The following IL36B variants were observed in gnomAD, a reference collection of about 807,000 sequenced individuals.
IL36B encodes interleukin 36 beta.
IL36B carries 23 observed loss-of-function variants against 19.3 expected under a neutral mutation model. The ratio of observed to expected loss-of-function variants is 1.19; its 90% CI spans 0.86 to 1.69. The LOEUF (loss-of-function observed/expected upper bound fraction) is 1.69, where lower values mean the gene tolerates loss of function less well. Among genes scored for constraint, IL36B ranks in the 40% most tolerant of loss-of-function variants. The probability of loss-of-function intolerance (pLI) is 0.00; values close to 1 mark genes in which losing one functional copy is unlikely to be tolerated. For missense variants in IL36B, 217 were observed against 200.5 expected (o/e 1.08, Z -0.50); for synonymous variants, 59 against 59.7 (o/e 0.99, Z 0.05).
At chr2:113,045,161 A>G (rs563996132) in intron 1 of IL36B, among the ~76,000 whole-genome samples, 2 of 152,314 alleles carry the variant, frequency 1.3e-5, no homozygotes, top group South Asian at 2.1e-4. Context: ...TTATTTCCAT[A>G]CAGTATTATT....
intron 1 of IL36B, among the ~76,000 whole-genome samples, chr2:113,051,641 G>T (rs1467000463): frequency 1.3e-5 from 2 of 152,200 alleles, no homozygotes; most frequent in East Asian, 3.8e-4. Flanking sequence ...GACTTCACTG[G>T]CATCCAGGGT....
chr2:113,046,585 T>C (rs565737456), intron 1 of IL36B, among the ~76,000 whole-genome samples: 6 of 152,214 alleles, frequency 3.9e-5, no homozygotes, highest in Non-Finnish European at 8.8e-5. Flanking sequence ...CATGTCTCCT[T>C]AGACTCCTCT....
intron 1 of IL36B, among the ~76,000 whole-genome samples, chr2:113,036,224 C>T (rs1480245692): frequency 2.6e-5 from 4 of 151,998 alleles, no homozygotes; most frequent in African/African-American, 7.2e-5. Flanking sequence ...GGAATTCAGG[C>T]GTGAGCCAGC....
intron 1 of IL36B, among the ~76,000 whole-genome samples, chr2:113,040,964 T>C (rs1310112790): frequency 6.6e-6 from 1 of 152,114 alleles, no homozygotes; most frequent in Non-Finnish European, 1.5e-5. Flanking sequence ...GTGACCAGCT[T>C]GGGCAACTTA....
At chr2:113,027,831 A>G (rs1460729352) in intron 4 of IL36B, 4 of 1,577,678 alleles carry the variant, frequency 2.5e-6, no homozygotes, top group Non-Finnish European at 3.4e-6. Context: ...CAGTCGCATA[A>G]TGATCTGTTA....
At chr2:113,045,123 C>T (rs1685327644) in intron 1 of IL36B, among the ~76,000 whole-genome samples, 1 of 151,972 alleles carries the variant, frequency 6.6e-6, no homozygotes, top group Non-Finnish European at 1.5e-5. Flanking sequence ...GTTATCATTT[C>T]TGGAGCTTAT....
At position 113,037,590 on chromosome 2, in the gene IL36B, G is replaced by A. The variant is rs185292698; in HGVS notation, c.-57-5824C>T. 1.5e-4 allele frequency among the ~76,000 whole-genome samples: 23 copies of A among 151,786 alleles called. No individual in the cohort carries two copies. The South Asian group carries it at 3.3e-3, about 22-fold the overall frequency. On this transcript the variant is annotated intron_variant, in intron 1 of 5. Coordinates refer to ENST00000259213, the MANE Select transcript of IL36B (RefSeq NM_014438.5). ...CTTGAACCCAGGAGGCGGAGGTTGC[G>A]GTGAGCTGAAATCACGCCACTGCAC...
intron 3 of IL36B, 129 bp from the exon 4 acceptor site, chr2:113,029,207 T>C: frequency 2.3e-6 from 2 of 858,414 alleles, no homozygotes; most frequent in Non-Finnish European, 3.5e-6. Context: ...TCCATCACCC[T>C]CCTCAAACCT....
intron 1 of IL36B, among the ~76,000 whole-genome samples, chr2:113,052,064 C>T (rs938525462): frequency 1.3e-5 from 2 of 152,026 alleles, no homozygotes; most frequent in Non-Finnish European, 2.9e-5. Flanking sequence ...ATTCTCGTGC[C>T]TCAGCCTCCC....
At chr2:113,026,813 G>A (rs34976770) in intron 4 of IL36B, among the ~76,000 whole-genome samples, 7,774 of 152,216 alleles carry the variant, frequency 0.051, 278 homozygotes, top group Middle Eastern at 0.12. Flanking sequence ...TTCAGTTCTA[G>A]AAGTTGTCTG....
At chr2:113,025,675 T>G (rs1458307402) in intron 5 of IL36B, among the ~76,000 whole-genome samples, 1 of 151,442 alleles carries the variant, frequency 6.6e-6, no homozygotes, top group Non-Finnish European at 1.5e-5. Flanking sequence ...ATGAGGAGAG[T>G]CCCGTAAAAC....
Position 113,022,676 on chromosome 2 carries a change from A to G in IL36B, c.493T>C (p.Ter165GlnextTer2). The G allele has an allele frequency of 3.2e-6, 5 of 1,581,410 alleles. No homozygotes were observed. The highest frequency in any genetic ancestry group is 3.5e-6 in the Non-Finnish European group (4 of 1,150,224). ...TGGGAATCTTCCTCCCCTTATTTCT[A>G]CATCCTTCCTGGCATTCCTATGTTG... The change falls in exon 6 of 6, where the codon TAG becomes CAG. Residue 165 changes from the stop codon to glutamine, a stop_lost. Transcript: ENST00000259213.
At chr2:113,030,953 G>C in intron 3 of IL36B, 95 bp downstream of exon 3, 1 of 862,978 alleles carries the variant, frequency 1.2e-6, no homozygotes, top group Non-Finnish European at 1.9e-6. Flanking sequence ...CTAGAAGTGG[G>C]TGAGGTCCAG....
intron 1 of IL36B, among the ~76,000 whole-genome samples, chr2:113,046,213 T>C (rs1485350464): frequency 6.2e-5 from 1 of 16,246 alleles, no homozygotes; most frequent in Non-Finnish European, 1.4e-4. Flanking sequence ...TTTTTCTTTT[T>C]TTTTTTTTTT....
chr2:113,051,057 C>A (rs555679136), intron 1 of IL36B, among the ~76,000 whole-genome samples: 1 of 152,016 alleles, frequency 6.6e-6, no homozygotes, highest in Non-Finnish European at 1.5e-5. Context: ...ATCCTTGAAT[C>A]GGAGGCCGTG....
chr2:113,034,230 T>G (rs541133786), intron 1 of IL36B, among the ~76,000 whole-genome samples: 11 of 152,324 alleles, frequency 7.2e-5, no homozygotes, highest in African/African-American at 2.4e-4. Context: ...CTGCTGATTT[T>G]CTTGCCCTGC....
At chr2:113,026,681 A>G (rs985052632) in intron 4 of IL36B, among the ~76,000 whole-genome samples, 5 of 152,206 alleles carry the variant, frequency 3.3e-5, no homozygotes, top group African/African-American at 1.2e-4. Context: ...AAGTATCCCT[A>G]TAGAGGAGTG....
Position 113,026,207 on chromosome 2 carries a change from C to G in IL36B, c.287G>C (p.Gly96Ala). The G allele has an allele frequency of 6.2e-7, 1 of 1,613,830 alleles. No homozygotes were observed. The highest frequency in any genetic ancestry group is 2.2e-5 in the East Asian group (1 of 44,880). The change falls in exon 5 of 6, where the codon GGG becomes GCG. Residue 96 changes from glycine to alanine, a missense_variant. Transcript: ENST00000259213. ...AACTAGTTTCCAGCAAGTGTCCTTC[C>G]CTATGTTATCTTGGGAGCCCTGAAG...
intron 1 of IL36B, among the ~76,000 whole-genome samples, chr2:113,046,201 GTTTTTTCT>G (rs1407980472): frequency 2.1e-5 from 3 of 145,038 alleles, no homozygotes; most frequent in African/African-American, 7.8e-5. Context: ...GTTTCTTCAG[GTTTTTTCT>G]TTTTTTTTTT....
Sources: allele counts gnomAD v4.1 joint callset (sites outside exome capture counted in the v4.1 genomes callset), GRCh38; gene constraint gnomAD v4.1.1; transcripts MANE v1.5; gene names NCBI Gene and HGNC (gene_info 2026-07-23, HGNC 2026-07-21).